SLC44A1: variants seen among roughly 807,000 people sequenced by gnomAD.
The protein encoded by SLC44A1 is solute carrier family 44 member 1.
A neutral mutation model predicts 79.3 loss-of-function variants in SLC44A1; 26 were observed. That is an observed-to-expected ratio of 0.33 (90% CI 0.24 to 0.46). The LOEUF (loss-of-function observed/expected upper bound fraction) is 0.46, where lower values mean the gene tolerates loss of function less well. Ranked by LOEUF, SLC44A1 falls within the 20% of genes least tolerant of loss-of-function variation. The probability of loss-of-function intolerance (pLI) is 1.00; values close to 1 mark genes in which losing one functional copy is unlikely to be tolerated. For missense variants in SLC44A1, 688 were observed against 798.1 expected (o/e 0.86, Z 1.66); for synonymous variants, 263 against 286.2 (o/e 0.92, Z 0.82).
chr9:105,250,154 G>C (rs1018154970), intron 1 of SLC44A1, among the ~76,000 whole-genome samples: 5 of 152,046 alleles, frequency 3.3e-5, no homozygotes, highest in Admixed American at 2.0e-4. Context: ...AGGATTATAG[G>C]TGTGAGCCAC....
chr9:105,438,390 G>A, exon 16 of SLC44A1: 1 of 1,000,134 alleles, frequency 1.0e-6, no homozygotes. Flanking sequence ...ATTATGAAGA[G>A]CAGGATCTTA....
chr9:105,347,819 T>C (rs1051209527), intron 4 of SLC44A1, among the ~76,000 whole-genome samples: 5 of 152,050 alleles, frequency 3.3e-5, no homozygotes, highest in Non-Finnish European at 7.4e-5. Flanking sequence ...TAATGTATTA[T>C]CTGAATTTAC....
intron 5 of SLC44A1, among the ~76,000 whole-genome samples, chr9:105,355,016 A>G (rs1015426399): frequency 1.3e-5 from 2 of 152,242 alleles, no homozygotes; most frequent in African/African-American, 4.8e-5. Flanking sequence ...ATGTAGTTGT[A>G]GCTGGGACTT....
At chr9:105,321,151 C>G (rs1043318123) in intron 3 of SLC44A1, among the ~76,000 whole-genome samples, 1 of 152,026 alleles carries the variant, frequency 6.6e-6, no homozygotes, top group Admixed American at 6.6e-5. Flanking sequence ...ACCCCAAATT[C>G]ACAATGATTT....
chr9:105,389,555 A>G lies in SLC44A1; in HGVS notation c.*499A>G. On this transcript the variant is annotated 3_prime_UTR_variant, in exon 16 of 16. Coordinates refer to ENST00000374720, the MANE Select transcript of SLC44A1 (RefSeq NM_080546.5). ...TATGCTTTCAGATAAATAAGGAATTACTCCAATCAGTTTTCCCCAATCAAA... is the reference window on the plus strand; with the variant it reads ...TATGCTTTCAGATAAATAAGGAATTGCTCCAATCAGTTTTCCCCAATCAAA... The G allele has an allele frequency of 9.1e-7, 1 of 1,094,520 alleles. No individual in the cohort carries two copies. The highest frequency in any genetic ancestry group is 1.1e-6 in the Non-Finnish European group (1 of 900,744). 67.8% of individuals were successfully genotyped at this position (1,094,520 alleles called of 1,614,324 possible). A position where few individuals can be genotyped will look rare whatever the true frequency, so the allele number is the denominator to read the frequency against.
At chr9:105,364,776 G>A in intron 10 of SLC44A1, 56 bp downstream of exon 10, 1 of 1,423,132 alleles carries the variant, frequency 7.0e-7, no homozygotes, top group Non-Finnish European at 9.7e-7. Context: ...GGTGTCCGCA[G>A]GCTGGAGGGG....
chr9:105,292,958 C>T (rs1181710186), intron 1 of SLC44A1, among the ~76,000 whole-genome samples: 1 of 151,864 alleles, frequency 6.6e-6, no homozygotes, highest in Non-Finnish European at 1.5e-5. Flanking sequence ...TCCAGGAGTT[C>T]GAGACCAACC....
In SLC44A1 at chr9:105,373,762, A is replaced by G. The variant is rs73512081; in HGVS notation, c.1495-836A>G. 1.3e-3 allele frequency among the ~76,000 whole-genome samples: 194 copies of G among 152,308 alleles called. 1 individual carries two copies. Among genetic ancestry groups the G allele is most frequent in the Middle Eastern group, 0.01 (3 of 294 alleles). On this transcript the variant is annotated intron_variant, in intron 12 of 15. Transcript: ENST00000374720. ...GTGACCTTCAGCAGCTCTTCTCATT[A>G]TGTTAGCGAAACAGCTATAGCCATT...
At chr9:105,375,700 C>A (rs1828257993) in intron 13 of SLC44A1, among the ~76,000 whole-genome samples, 1 of 152,110 alleles carries the variant, frequency 6.6e-6, no homozygotes, top group South Asian at 2.1e-4. Flanking sequence ...GAGACTTATA[C>A]TTTCCTTAGA....
chr9:105,438,144 G>A, intron 15 of SLC44A1: 1 of 662,960 alleles, frequency 1.5e-6, no homozygotes, highest in South Asian at 1.9e-5. Context: ...GTGTGTGTGT[G>A]TGTGTGTGTA....
At chr9:105,345,375 T>C (rs1174406828) in intron 4 of SLC44A1, among the ~76,000 whole-genome samples, 1 of 152,174 alleles carries the variant, frequency 6.6e-6, no homozygotes, top group East Asian at 1.9e-4. Flanking sequence ...AATCAGAAAG[T>C]ACCTGGTGGA....
At chr9:105,266,055 TCAAA>T (rs1829955065) in intron 1 of SLC44A1, among the ~76,000 whole-genome samples, 2 of 152,174 alleles carry the variant, frequency 1.3e-5, no homozygotes, top group Admixed American at 6.5e-5. Flanking sequence ...ACTCCTGGGC[TCAAA>T]CAGTCTTCCT....
chr9:105,405,444 C>T (rs1465490708), intron 15 of SLC44A1, among the ~76,000 whole-genome samples: 1 of 151,958 alleles, frequency 6.6e-6, no homozygotes, highest in African/African-American at 2.4e-5. Context: ...CAATTTTTAC[C>T]AAATTCTAGA....
At position 105,393,629 on chromosome 9, in the gene SLC44A1, G is replaced by T; in HGVS notation, c.*4573G>T. Reference sequence around the variant, plus strand: ...CTTTCTTTTCTATAGAAATACTGTAGTGCCCTTTCTTCCCATCTTGATTTT... The same window carrying T: ...CTTTCTTTTCTATAGAAATACTGTATTGCCCTTTCTTCCCATCTTGATTTT... On this transcript the variant is annotated 3_prime_UTR_variant, in exon 16 of 16. Transcript: ENST00000374720. 1.0e-6 allele frequency: 1 copy of T among 982,046 alleles called. No homozygotes were observed. Among genetic ancestry groups the T allele is most frequent in the Non-Finnish European group, 1.2e-6 (1 of 826,918 alleles). 60.8% of individuals were successfully genotyped at this position (982,046 alleles called of 1,614,324 possible). A position where few individuals can be genotyped will look rare whatever the true frequency, so the allele number is the denominator to read the frequency against.
At chr9:105,319,303 G>A (rs543432956) in intron 3 of SLC44A1, among the ~76,000 whole-genome samples, 7 of 152,254 alleles carry the variant, frequency 4.6e-5, no homozygotes, top group Non-Finnish European at 8.8e-5. Flanking sequence ...TTTATTTTTA[G>A]GAAAGGATAT....
At chr9:105,350,424 G>A (rs1827369608) in intron 5 of SLC44A1, among the ~76,000 whole-genome samples, 1 of 152,122 alleles carries the variant, frequency 6.6e-6, no homozygotes, top group Non-Finnish European at 1.5e-5. Context: ...CTCCAAAGAT[G>A]AGTAAGACCT....
chr9:105,300,141 A>G (rs910874787), intron 2 of SLC44A1, among the ~76,000 whole-genome samples: 3 of 152,190 alleles, frequency 2.0e-5, no homozygotes. Flanking sequence ...TTTACAGATT[A>G]AAAACATCAA....
intron 1 of SLC44A1, among the ~76,000 whole-genome samples, chr9:105,298,694 A>G (rs944983449): frequency 1.3e-5 from 2 of 152,210 alleles, no homozygotes; most frequent in African/African-American, 2.4e-5. Flanking sequence ...AGAAGAGAAC[A>G]TATATATAAA....
At chr9:105,375,541 C>T (rs901250601) in intron 13 of SLC44A1, among the ~76,000 whole-genome samples, 8 of 152,040 alleles carry the variant, frequency 5.3e-5, no homozygotes, top group Admixed American at 4.6e-4. Flanking sequence ...TGCCAAACTC[C>T]TAGGGTCATG....
Sources: gnomAD v4.1 joint callset for allele counts (sites outside exome capture counted in the v4.1 genomes callset) on GRCh38, gnomAD v4.1.1 for gene constraint, MANE v1.5 for transcripts, NCBI Gene and HGNC (gene_info 2026-07-23, HGNC 2026-07-21) for gene names.